The following PCSK4 variants were observed in gnomAD, a reference collection of about 807,000 sequenced individuals.
PCSK4 encodes the protein testicular tissue protein Li 135.
In PCSK4, 64 loss-of-function variants were observed where a neutral mutation model predicts 80.3. The observed-to-expected ratio is 0.80, with a 90% CI of 0.65 to 0.98. The LOEUF (loss-of-function observed/expected upper bound fraction) is 0.98. Among genes scored for constraint, PCSK4 ranks in the 50% least tolerant of loss-of-function variants. The pLI is 0.00. For synonymous variants in PCSK4, 561 were observed against 487.6 expected (o/e 1.15, Z -1.98); for missense variants, 1,213 against 1,093.6 (o/e 1.11, Z -1.54).
chr19:1,481,625 C>A, exon 15 of PCSK4: 1 of 563,180 alleles, frequency 1.8e-6, no homozygotes, highest in Non-Finnish European at 3.0e-6. Flanking sequence ...CGGGGTTCCA[C>A]GGGGCCCATC....
exon 10 of PCSK4, chr19:1,483,939 G>A: frequency 2.1e-6 from 3 of 1,443,350 alleles, no homozygotes; most frequent in Middle Eastern, 4.9e-4. Flanking sequence ...CGTCAGGAAC[G>A]GGCTGCGGGG....
At chr19:1,487,225 G>C (rs778436780) in exon 7 of PCSK4, 2 of 1,607,292 alleles carry the variant, frequency 1.2e-6, no homozygotes, top group East Asian at 4.5e-5. Context: ...GACCCCAGCT[G>C]GCGCTGTAAA....
chr19:1,486,907 G>C, exon 8 of PCSK4: 1 of 1,602,176 alleles, frequency 6.2e-7, no homozygotes, highest in East Asian at 2.2e-5. Context: ...GGGTGGAGGC[G>C]CAGGCTTCGC....
At position 1,489,846 on chromosome 19, in the gene PCSK4, G is replaced by C. The variant is rs139319644; in HGVS notation, c.241C>G (p.Gln81Glu). 128 of 1,611,050 alleles carry C rather than the reference G, an allele frequency of 7.9e-5. No homozygotes were observed. The highest frequency in any genetic ancestry group is 9.7e-5 in the Non-Finnish European group (114 of 1,179,082). ...TGGCCCCAGTGCGGGGTCAGGGACT[G>C]CTGGACCACGCCCCGGTGCCGCAGG... is the stretch of plus-strand genomic sequence containing the variant. Residue 81 changes from glutamine (Q) to glutamate (E), a missense_variant, in exon 2 of 15, where the codon CAG becomes GAG. Gln to Glu is a conservative substitution (Grantham distance 29). Transcript: ENST00000300954.
At chr19:1,481,845 A>G (rs760152005) in exon 15 of PCSK4, 3 of 1,571,280 alleles carry the variant, frequency 1.9e-6, no homozygotes, top group Admixed American at 1.8e-5. Flanking sequence ...AGGTCCATGG[A>G]CATGCCGCAG....
chr19:1,482,935 T>TC lies in PCSK4; in HGVS notation c.1656dup (p.Thr553AspfsTer57). 1 of 1,556,466 alleles carries TC rather than the reference T, an allele frequency of 6.4e-7. No homozygotes were observed. The highest frequency in any genetic ancestry group is 2.5e-5 in the East Asian group (1 of 40,310). On this transcript the variant is annotated frameshift_variant, in exon 13 of 15. Transcript: ENST00000300954. LOFTEE classifies it high-confidence loss of function. ...TAGCCCTTGTTCTCTAGGCCCAGGG[T>TC]CCACACGCCCTGTGGGTTCTCATCC...
Position 1,487,166 on chromosome 19 carries a change from T to G in PCSK4, c.830A>C (p.Glu277Ala). 5 of 1,606,624 alleles carry G rather than the reference T, an allele frequency of 3.1e-6. No individual in the cohort carries two copies. The South Asian group carries it at 5.5e-5, about 18-fold the overall frequency. Residue 277 changes from glutamate to alanine, a missense_variant, in exon 7 of 15, where the codon GAG (glutamate) becomes GCG (alanine). Transcript: ENST00000300954. ...CTTGGTCACACCACGCCGGAAGGCC[T>G]CGCGGGTGAGGATGCCGGGGCCGTC... is the stretch of plus-strand genomic sequence containing the variant.
intron 8 of PCSK4, among the ~76,000 whole-genome samples, chr19:1,486,136 C>T (rs985882212): frequency 4.0e-5 from 6 of 151,422 alleles, no homozygotes; most frequent in Admixed American, 1.3e-4. Context: ...CCATGCCTGG[C>T]TAATTTTTTT....
chr19:1,487,036 G>T, exon 8 of PCSK4: 1 of 1,607,610 alleles, frequency 6.2e-7, no homozygotes. Context: ...CCGAGGCCCA[G>T]ATGAAGAGCG....
chr19:1,485,088 C>A (rs939915835), intron 8 of PCSK4, among the ~76,000 whole-genome samples: 2 of 151,838 alleles, frequency 1.3e-5, no homozygotes, highest in African/African-American at 2.4e-5. Context: ...GTAGAGGTTG[C>A]AGTGAGCTAA....
At chr19:1,484,085 C>T in exon 9 of PCSK4, 1 of 1,567,130 alleles carries the variant, frequency 6.4e-7, no homozygotes, top group Non-Finnish European at 8.6e-7. Flanking sequence ...GCCGAGGTGC[C>T]CGTGTGCTGG....
intron 2 of PCSK4, among the ~76,000 whole-genome samples, chr19:1,489,204 T>TCACTGCAAGCTC (rs1455224196): frequency 6.7e-6 from 1 of 148,840 alleles, no homozygotes. Flanking sequence ...CGATCTCGGC[T>TCACTGCAAGCTC]CACTGCAAGC....
intron 2 of PCSK4, among the ~76,000 whole-genome samples, chr19:1,489,429 G>A (rs1043037550): frequency 2.6e-5 from 4 of 152,108 alleles, no homozygotes; most frequent in South Asian, 2.1e-4. Context: ...CCACCGCGCC[G>A]GGCCAAGCCT....
chr19:1,482,226 G>A lies in PCSK4; in HGVS notation c.1820-19C>T, dbSNP rs767101416. The A allele has an allele frequency of 1.7e-5, 26 of 1,524,120 alleles. No individual in the cohort carries two copies. Among genetic ancestry groups the A allele is most frequent in the African/African-American group, 1.4e-4 (10 of 72,766 alleles). The allele number at this position is 1,524,120 out of a possible 1,614,324, so 94.4% of individuals were successfully genotyped here. A position where few individuals can be genotyped will look rare whatever the true frequency, so the allele number is the denominator to read the frequency against. ...TCACACGCTGCTCGGGGACACGCAC[G>A]CAAAGGCCCGTCAGCTTGCCACCCG... On this transcript the variant is annotated intron_variant, in intron 14 of 14. Coordinates refer to ENST00000300954, the Ensembl canonical transcript of PCSK4.
exon 7 of PCSK4, chr19:1,487,264 C>T (rs536873237): frequency 5.2e-5 from 83 of 1,602,608 alleles, no homozygotes; most frequent in African/African-American, 2.1e-4. Context: ...GCAGGCTCAG[C>T]GACTGGGCCT....
At chr19:1,487,891 G>C (rs147345885) in intron 4 of PCSK4, 30 bp from the exon 5 acceptor site, 2 of 1,561,966 alleles carry the variant, frequency 1.3e-6, no homozygotes, top group African/African-American at 2.7e-5. Flanking sequence ...TGAGGGGGCC[G>C]GGAGGCGTCC....
exon 7 of PCSK4, chr19:1,487,207 G>C (rs1037620214): frequency 3.7e-6 from 6 of 1,608,032 alleles, no homozygotes; most frequent in Non-Finnish European, 5.1e-6. Flanking sequence ...TGCGGCCGTC[G>C]TCCTCGGGAC....
exon 1 of PCSK4, chr19:1,490,191 C>T (rs571192272): frequency 1.2e-6 from 2 of 1,613,658 alleles, no homozygotes; most frequent in East Asian, 4.5e-5. Context: ...ATTTGCGTGC[C>T]AGGCGCTCGA....
At chr19:1,488,072 G>A (rs746916812) in exon 4 of PCSK4, 2 of 1,613,220 alleles carry the variant, frequency 1.2e-6, no homozygotes, top group Non-Finnish European at 1.7e-6. Flanking sequence ...GGATGCTCAG[G>A]TCTGGTTGGG....
Sources: gnomAD v4.1 joint callset for allele counts (sites outside exome capture counted in the v4.1 genomes callset) on GRCh38, gnomAD v4.1.1 for gene constraint, MANE v1.5 for transcripts, NCBI Gene and HGNC (gene_info 2026-07-23, HGNC 2026-07-21) for gene names.